The following CCNY variants were observed in gnomAD, a reference collection of about 807,000 sequenced individuals.
CCNY encodes the protein cyclin Y.
CCNY carries 19 observed loss-of-function variants against 42.8 expected under a neutral mutation model. The ratio of observed to expected loss-of-function variants is 0.44; its 90% CI spans 0.31 to 0.65. CCNY has a LOEUF of 0.65. Ranked by LOEUF, CCNY falls within the 30% of genes least tolerant of loss-of-function variation. The probability of loss-of-function intolerance (pLI) is 0.07; values close to 1 mark genes in which losing one functional copy is unlikely to be tolerated. For missense variants in CCNY, 370 were observed against 437.3 expected, an observed-to-expected ratio of 0.85 and a Z score of 1.37; for synonymous variants, 165 against 162.7, an observed-to-expected ratio of 1.01 and a Z score of -0.11.
At position 35,473,981 on chromosome 10, in the gene CCNY, C is replaced by T. The variant is rs971744639; in HGVS notation, c.155-9423C>T. Among the ~76,000 whole-genome samples, 6 of 152,202 alleles carry T rather than the reference C, an allele frequency of 3.9e-5. No homozygotes were observed. In the South Asian group the frequency reaches 6.2e-4, roughly 16 times the overall value. ...AAGCAGGGCGAGGCATTGCCTCACT[C>T]GGGAAGCGCAAGGGGTCAGGGAGTT... On this transcript the variant is annotated intron_variant, in intron 1 of 9. Coordinates refer to ENST00000374704, the MANE Select transcript of CCNY (RefSeq NM_145012.6).
chr10:35,507,947 T>A, intron 3 of CCNY, among the ~76,000 whole-genome samples: 1 of 152,156 alleles, frequency 6.6e-6, no homozygotes, highest in South Asian at 2.1e-4. Context: ...ATCTGACTCT[T>A]GTTGCTGATG....
At chr10:35,548,938 G>A (rs945138811) in intron 7 of CCNY, among the ~76,000 whole-genome samples, 1 of 152,142 alleles carries the variant, frequency 6.6e-6, no homozygotes, top group Admixed American at 6.5e-5. Context: ...AAAAATCCAG[G>A]TTTTTAAGAT....
At chr10:35,461,951 C>T (rs1839166611) in intron 1 of CCNY, among the ~76,000 whole-genome samples, 1 of 152,032 alleles carries the variant, frequency 6.6e-6, no homozygotes. Flanking sequence ...GCACATCCCA[C>T]TCTTTGCACC....
intron 1 of CCNY, among the ~76,000 whole-genome samples, chr10:35,479,569 A>G (rs1242571689): frequency 1.6e-5 from 2 of 124,550 alleles, no homozygotes; most frequent in Non-Finnish European, 3.1e-5. Flanking sequence ...GAACACATGG[A>G]CACAGGAAGG....
At chr10:35,387,370 C>T (rs1837320624) in intron 1 of CCNY, among the ~76,000 whole-genome samples, 1 of 152,170 alleles carries the variant, frequency 6.6e-6, no homozygotes, top group Non-Finnish European at 1.5e-5. Context: ...GGGTTCTGCC[C>T]CTTCTGGATA....
intron 1 of CCNY, among the ~76,000 whole-genome samples, chr10:35,447,231 C>T (rs565572036): frequency 2.0e-5 from 3 of 152,312 alleles, no homozygotes; most frequent in South Asian, 2.1e-4. Flanking sequence ...GAGCTGAGAT[C>T]GTGCCACCGC....
chr10:35,355,809 A>G (rs1184408128), intron 1 of CCNY, among the ~76,000 whole-genome samples: 1 of 150,072 alleles, frequency 6.7e-6, no homozygotes. Context: ...CGTAAGTACT[A>G]TTTCTCTCTC....
chr10:35,535,031 G>A (rs930930640), intron 7 of CCNY, among the ~76,000 whole-genome samples: 1 of 139,972 alleles, frequency 7.1e-6, no homozygotes, highest in Non-Finnish European at 1.6e-5. Flanking sequence ...GTGTGTGTGT[G>A]TATGTATATA....
intron 1 of CCNY, among the ~76,000 whole-genome samples, chr10:35,481,835 C>A (rs917627544): frequency 6.6e-6 from 1 of 152,226 alleles, no homozygotes; most frequent in East Asian, 1.9e-4. Flanking sequence ...AACCTCCTTG[C>A]AGAGTCATTT....
intron 1 of CCNY, among the ~76,000 whole-genome samples, chr10:35,375,573 G>A (rs1485191684): frequency 1.3e-5 from 2 of 152,218 alleles, no homozygotes; most frequent in Non-Finnish European, 2.9e-5. Context: ...GAGTCATCTT[G>A]TTTGAATTTT....
At chr10:35,537,395 G>T (rs540023259) in intron 7 of CCNY, among the ~76,000 whole-genome samples, 12 of 152,324 alleles carry the variant, frequency 7.9e-5, no homozygotes, top group Admixed American at 2.6e-4. Context: ...GTGGAGCTGT[G>T]AGAAGAGGGC....
intron 7 of CCNY, among the ~76,000 whole-genome samples, chr10:35,548,304 A>G (rs1564454325): frequency 6.8e-6 from 1 of 147,686 alleles, no homozygotes; most frequent in Non-Finnish European, 1.5e-5. Flanking sequence ...ATATATATAT[A>G]TATATATTTT....
chr10:35,447,170 A>T (rs1227945883), intron 1 of CCNY, among the ~76,000 whole-genome samples: 1 of 152,308 alleles, frequency 6.6e-6, no homozygotes, highest in East Asian at 1.9e-4. Flanking sequence ...TCAGCTACTC[A>T]GGAGGCTGAG....
intron 1 of CCNY, among the ~76,000 whole-genome samples, chr10:35,373,025 T>C (rs754458859): frequency 2.6e-5 from 4 of 152,194 alleles, no homozygotes; most frequent in Non-Finnish European, 5.9e-5. Flanking sequence ...TTCATGCTCT[T>C]ATTTCCTCTG....
At chr10:35,360,297 T>A (rs1372860111) in intron 1 of CCNY, among the ~76,000 whole-genome samples, 1 of 150,198 alleles carries the variant, frequency 6.7e-6, no homozygotes, top group Non-Finnish European at 1.5e-5. Context: ...TCTTTTTTTT[T>A]TTTTTTTGAG....
At chr10:35,290,799 G>GA (rs1835404739) in intron 3 of CCNY, among the ~76,000 whole-genome samples, 1 of 151,416 alleles carries the variant, frequency 6.6e-6, no homozygotes, top group East Asian at 1.9e-4. Context: ...CTGTCTATAC[G>GA]AAAAAATAAC....
At chr10:35,527,723 T>G (rs747731006) in intron 5 of CCNY, among the ~76,000 whole-genome samples, 34 of 152,162 alleles carry the variant, frequency 2.2e-4, no homozygotes, top group Non-Finnish European at 3.8e-4. Context: ...GCTGAAAAAT[T>G]GAGCATTTGT....
intron 1 of CCNY, among the ~76,000 whole-genome samples, chr10:35,457,880 C>T (rs1170858629): frequency 6.6e-6 from 1 of 152,174 alleles, no homozygotes; most frequent in Non-Finnish European, 1.5e-5. Context: ...ATGCCCAGCC[C>T]ATACTTGTAT....
chr10:35,305,551 G>A (rs1447610542), intron 3 of CCNY, among the ~76,000 whole-genome samples: 1 of 152,216 alleles, frequency 6.6e-6, no homozygotes, highest in Non-Finnish European at 1.5e-5. Context: ...TTGTGTCAGA[G>A]CTGCTGTTTA....
Sources: allele counts gnomAD v4.1 joint callset (sites outside exome capture counted in the v4.1 genomes callset), GRCh38; gene constraint gnomAD v4.1.1; transcripts MANE v1.5; gene names NCBI Gene and HGNC (gene_info 2026-07-23, HGNC 2026-07-21).